The following GRIP1 variants were observed in gnomAD, a reference collection of about 807,000 sequenced individuals.
GRIP1 encodes glutamate receptor-interacting protein 1.
Under a neutral mutation model 129.9 loss-of-function variants are expected in GRIP1, and 45 were observed. The observed-to-expected ratio is 0.35, with a 90% CI of 0.27 to 0.44. The LOEUF (loss-of-function observed/expected upper bound fraction) is 0.44. GRIP1 is among the 20% of genes least tolerant of loss of function. GRIP1 has a pLI of 1.00. For synonymous variants in GRIP1, 530 were observed against 520.8 expected, an observed-to-expected ratio of 1.02 and a Z score of -0.24; for missense variants, 1,196 against 1,396.8, an observed-to-expected ratio of 0.86 and a Z score of 2.29.
At chr12:66,530,145 G>C (rs1209949144) in intron 4 of GRIP1, among the ~76,000 whole-genome samples, 1 of 152,114 alleles carries the variant, frequency 6.6e-6, no homozygotes, top group Non-Finnish European at 1.5e-5. Flanking sequence ...CAAAATCATA[G>C]CTAGCTCATT....
intron 1 of GRIP1, among the ~76,000 whole-genome samples, chr12:66,668,422 T>C (rs755069246): frequency 3.9e-5 from 6 of 152,126 alleles, no homozygotes; most frequent in Non-Finnish European, 5.9e-5. Context: ...TTGAATTCAA[T>C]TGGGAATTTT....
chr12:66,970,540 C>CTTTTTTTTTT (rs3051201), intron 1 of GRIP1, among the ~76,000 whole-genome samples: 2 of 129,766 alleles, frequency 1.5e-5, no homozygotes, highest in Non-Finnish European at 1.6e-5. Context: ...CCTCTAGTGT[C>CTTTTTTTTTT]TTTTTTTTTT....
In GRIP1 at chr12:67,045,427, C is replaced by T. The variant is rs1380268186; in HGVS notation, c.58+23623G>A. On this transcript the variant is annotated intron_variant, in intron 1 of 1. Transcript: ENST00000643019. ...AAATCCTGTATTTATTACTCAAGAA[C>T]ATCTGTGCTATGTTGCTCCTCCAAC... is the stretch of plus-strand genomic sequence containing the variant. 3.9e-5 allele frequency among the ~76,000 whole-genome samples: 6 copies of T among 152,272 alleles called. No homozygotes were observed. In the East Asian group the frequency reaches 1.2e-3, roughly 29 times the overall value.
At chr12:66,363,195 G>A (rs1156885888) in intron 23 of GRIP1, among the ~76,000 whole-genome samples, 8 of 37,638 alleles carry the variant, frequency 2.1e-4, no homozygotes, top group Admixed American at 3.9e-4. Context: ...ATGTGTGTGT[G>A]TGTCCATATA....
At position 66,654,447 on chromosome 12, in the gene GRIP1, G is replaced by A. The variant is rs557028063; in HGVS notation, c.55+24403C>T. Among the ~76,000 whole-genome samples, 44 of 152,262 alleles carry A rather than the reference G, an allele frequency of 2.9e-4. 1 individual carries two copies. Among genetic ancestry groups the A allele is most frequent in the African/African-American group, 8.9e-4 (37 of 41,550 alleles). ...ATTTTGTGAAAATGAAACACCATAC[G>A]CAAAATCATGGAAGTTGAATGTGGA... On this transcript the variant is annotated intron_variant, in intron 1 of 24. Transcript: ENST00000359742.
chr12:67,017,774 C>T (rs2042809524), intron 1 of GRIP1, among the ~76,000 whole-genome samples: 1 of 152,136 alleles, frequency 6.6e-6, no homozygotes, highest in Admixed American at 6.6e-5. Flanking sequence ...AAAGTATCCC[C>T]AAAACAGCCT....
intron 5 of GRIP1, among the ~76,000 whole-genome samples, chr12:66,520,161 T>C (rs2060958324): frequency 6.6e-6 from 1 of 152,244 alleles, no homozygotes; most frequent in Non-Finnish European, 1.5e-5. Flanking sequence ...TTCTCTTTCC[T>C]GACTGTCCTA....
At chr12:66,478,238 A>G (rs1222273877) in intron 7 of GRIP1, among the ~76,000 whole-genome samples, 2 of 152,278 alleles carry the variant, frequency 1.3e-5, no homozygotes, top group Admixed American at 1.3e-4. Context: ...GACACTTCTC[A>G]AAAGAAGACA....
intron 1 of GRIP1, among the ~76,000 whole-genome samples, chr12:66,988,230 A>T (rs2042342482): frequency 6.6e-6 from 1 of 152,204 alleles, no homozygotes. Flanking sequence ...TTATTCCTTG[A>T]TCAATAGATA....
chr12:66,826,387 C>G (rs2039413744), intron 1 of GRIP1, among the ~76,000 whole-genome samples: 1 of 151,982 alleles, frequency 6.6e-6, no homozygotes, highest in Admixed American at 6.6e-5. Flanking sequence ...ACCACCATGG[C>G]ACGTGTATAT....
At chr12:66,812,983 T>A (rs1041429147) in intron 1 of GRIP1, among the ~76,000 whole-genome samples, 7 of 152,146 alleles carry the variant, frequency 4.6e-5, no homozygotes, top group Admixed American at 2.0e-4. Flanking sequence ...GATAGAACAG[T>A]GCATATGAGG....
chr12:66,561,732 A>AT (rs992345045), intron 2 of GRIP1, among the ~76,000 whole-genome samples: 26 of 152,224 alleles, frequency 1.7e-4, no homozygotes, highest in East Asian at 5.8e-4. Context: ...GGCTTAAAAA[A>AT]ATATATATAT....
intron 1 of GRIP1, among the ~76,000 whole-genome samples, chr12:66,968,890 A>T (rs1346107929): frequency 2.0e-5 from 3 of 152,126 alleles, no homozygotes; most frequent in Non-Finnish European, 4.4e-5. Flanking sequence ...TTAACATTTT[A>T]TAAAGAATAG....
Position 66,539,139 on chromosome 12 carries a change from G to A in GRIP1, c.357C>T (p.Ser119=), listed in dbSNP as rs1448222973. ...LAKFRHDEII[S]LLKNVGERVV... is the part of the protein sequence containing the mutation. ...CTCTTTCTCCCACATTCTTCAGCAAGCTGATGATCTCGTCATGGCGGAATT... is the reference window on the plus strand; with the variant it reads ...CTCTTTCTCCCACATTCTTCAGCAAACTGATGATCTCGTCATGGCGGAATT... Residue 119 remains serine (S), a synonymous_variant, in exon 4 of 25, where the codon AGC becomes AGT. Transcript: ENST00000359742. 1 of 1,614,106 alleles carries A rather than the reference G, an allele frequency of 6.2e-7. No homozygotes were observed. The highest frequency in any genetic ancestry group is 1.7e-5 in the Admixed American group (1 of 60,002).
At chr12:66,677,343 A>T (rs554299360) in intron 1 of GRIP1, among the ~76,000 whole-genome samples, 4 of 152,228 alleles carry the variant, frequency 2.6e-5, no homozygotes, top group Admixed American at 6.5e-5. Flanking sequence ...GAACTGATAC[A>T]GATGAATAGA....
At chr12:66,986,523 T>C (rs549333995) in intron 1 of GRIP1, among the ~76,000 whole-genome samples, 1 of 149,870 alleles carries the variant, frequency 6.7e-6, no homozygotes, top group Non-Finnish European at 1.5e-5. Flanking sequence ...TTCATGTCCT[T>C]TGTAGGGACA....
At chr12:66,588,179 T>A (rs926754359) in intron 2 of GRIP1, among the ~76,000 whole-genome samples, 1 of 152,126 alleles carries the variant, frequency 6.6e-6, no homozygotes, top group Non-Finnish European at 1.5e-5. Flanking sequence ...GAATAAGTAG[T>A]TAAAAGCCTT....
chr12:66,788,671 C>G (rs73329243), intron 1 of GRIP1, among the ~76,000 whole-genome samples: 1 of 151,974 alleles, frequency 6.6e-6, no homozygotes. Context: ...GGGCATTTGC[C>G]GGGAGAAAAA....
chr12:66,360,638 G>A (rs915224098), intron 23 of GRIP1, among the ~76,000 whole-genome samples: 5 of 152,176 alleles, frequency 3.3e-5, no homozygotes, highest in Admixed American at 1.3e-4. Flanking sequence ...TTCACAGGAG[G>A]CAGGGTGGGT....
Sources: allele counts gnomAD v4.1 joint callset (sites outside exome capture counted in the v4.1 genomes callset), GRCh38; gene constraint gnomAD v4.1.1; transcripts MANE v1.5; gene names NCBI Gene and HGNC (gene_info 2026-07-23, HGNC 2026-07-21).